Variants in CADPS observed in about 807,000 individuals in gnomAD.
CADPS encodes the protein calcium dependent secretion activator, also known as calcium-dependent secretion activator 1.
Under a neutral mutation model 167.3 loss-of-function variants are expected in CADPS, and 57 were observed. The observed-to-expected ratio is 0.34, with a 90% CI of 0.28 to 0.42. The LOEUF is 0.42. CADPS is among the 20% of genes least tolerant of loss of function. CADPS has a pLI of 1.00. For missense variants in CADPS, 1,414 were observed against 1,738.1 expected (o/e 0.81, Z 3.32); for synonymous variants, 676 against 635.3 (o/e 1.06, Z -0.96).
At chr3:62,518,418 G>A (rs996777900) in intron 13 of CADPS, among the ~76,000 whole-genome samples, 168 bp from the exon 14 acceptor site, 1 of 152,190 alleles carries the variant, frequency 6.6e-6, no homozygotes, top group African/African-American at 2.4e-5. Context: ...GCGTTGGGTT[G>A]TGTTTGGGTT....
At chr3:62,750,591 A>T (rs1451038260) in intron 3 of CADPS, among the ~76,000 whole-genome samples, 1 of 152,198 alleles carries the variant, frequency 6.6e-6, no homozygotes, top group Non-Finnish European at 1.5e-5. Flanking sequence ...TTTAAGGTAG[A>T]AATTTGGAGA....
chr3:62,692,863 C>T (rs1035810553), intron 3 of CADPS, among the ~76,000 whole-genome samples: 2 of 151,998 alleles, frequency 1.3e-5, no homozygotes, highest in African/African-American at 4.8e-5. Flanking sequence ...TAAAGAAGGT[C>T]ATGTCATGCC....
At chr3:62,639,956 T>A (rs2067099231) in intron 6 of CADPS, among the ~76,000 whole-genome samples, 2 of 152,192 alleles carry the variant, frequency 1.3e-5, no homozygotes. Flanking sequence ...GCCTGCTCAT[T>A]TCTTTCAGAA....
rs201388168 is a variant in CADPS, at chr3:62,798,682, C to T, written c.442-32698G>A. ...TTTAAAGTTCAGCCCAAATGTTACCCCTGTGAAGCTTCCCTCAATATCCCT... is the reference window on the plus strand; with the variant it reads ...TTTAAAGTTCAGCCCAAATGTTACCTCTGTGAAGCTTCCCTCAATATCCCT... On this transcript the variant is annotated intron_variant, in intron 1 of 29. Coordinates refer to ENST00000383710, the MANE Select transcript of CADPS (RefSeq NM_003716.4). 9.7e-3 allele frequency among the ~76,000 whole-genome samples: 1,482 copies of T among 152,126 alleles called. 24 individuals are homozygous for T. Among genetic ancestry groups the T allele is most frequent in the African/African-American group, 0.033 (1,380 of 41,464 alleles).
At chr3:62,423,946 C>T (rs974883937) in intron 28 of CADPS, among the ~76,000 whole-genome samples, 7 of 152,202 alleles carry the variant, frequency 4.6e-5, no homozygotes, top group African/African-American at 1.7e-4. Context: ...TATTATTAAA[C>T]AGCCATTTAT....
intron 28 of CADPS, among the ~76,000 whole-genome samples, chr3:62,406,354 T>C (rs1708489745): frequency 6.6e-6 from 1 of 152,206 alleles, no homozygotes; most frequent in African/African-American, 2.4e-5. Flanking sequence ...ACAGTGCTTA[T>C]TAATCGGGTT....
At chr3:62,515,572 G>A (rs1035150456) in intron 16 of CADPS, among the ~76,000 whole-genome samples, 1 of 152,066 alleles carries the variant, frequency 6.6e-6, no homozygotes, top group Admixed American at 6.6e-5. Context: ...ACCTGCCATC[G>A]AGCTTGAAGC....
At chr3:62,790,310 G>T (rs2092821859) in intron 1 of CADPS, among the ~76,000 whole-genome samples, 1 of 151,976 alleles carries the variant, frequency 6.6e-6, no homozygotes, top group African/African-American at 2.4e-5. Context: ...ATTTTTATTT[G>T]TTTTTTCTAA....
intron 28 of CADPS, among the ~76,000 whole-genome samples, chr3:62,426,352 T>C (rs771870810): frequency 1.3e-5 from 2 of 152,168 alleles, no homozygotes; most frequent in African/African-American, 4.8e-5. Context: ...GGTTTCACCA[T>C]GTTGGCCAGG....
intron 4 of CADPS, among the ~76,000 whole-genome samples, chr3:62,652,793 C>T (rs2070559437): frequency 6.6e-6 from 1 of 152,186 alleles, no homozygotes; most frequent in Admixed American, 6.6e-5. Flanking sequence ...TTATCATTTT[C>T]TAATTTCCAC....
intron 3 of CADPS, among the ~76,000 whole-genome samples, chr3:62,724,397 T>C (rs1316354201): frequency 7.0e-6 from 1 of 142,754 alleles, no homozygotes; most frequent in African/African-American, 2.7e-5. Context: ...TTTCATGGAC[T>C]AAGAAACAAT....
chr3:62,874,916 G>T lies in CADPS; in HGVS notation c.114C>A (p.Thr38=), dbSNP rs768047074. 1.4e-6 allele frequency: 2 copies of T among 1,454,568 alleles called. No individual in the cohort carries two copies. Among genetic ancestry groups the T allele is most frequent in the Non-Finnish European group, 1.8e-6 (2 of 1,099,986 alleles). The allele number at this position is 1,454,568 out of a possible 1,614,324, so 90.1% of individuals were successfully genotyped here. A position where few individuals can be genotyped will look rare whatever the true frequency, so the allele number is the denominator to read the frequency against. Reference sequence around the variant, plus strand: ...CGGCGCTGCCGGCCGAGCCCTCGCTGGTACGGCTGGGAGACAGGCGCGCGC... The same window carrying T: ...CGGCGCTGCCGGCCGAGCCCTCGCTTGTACGGCTGGGAGACAGGCGCGCGC... ...PSGARLSPSR[T]SEGSAGSAGL... is the part of the protein sequence containing the mutation. Residue 38 remains threonine (T), a synonymous_variant, in exon 1 of 30, where the codon ACC becomes ACA. Transcript: ENST00000383710. The surrounding 1 kb of genome is among the most constrained non-coding windows in gnomAD (Gnocchi z 7.1).
At position 62,731,030 on chromosome 3, in the gene CADPS, A is replaced by T. The variant is rs1017782000; in HGVS notation, c.888+22411T>A. On this transcript the variant is annotated intron_variant, in intron 3 of 29. Transcript: ENST00000383710. Reference sequence around the variant, plus strand: ...ATATAACTATGACCAGAAACAAGACATGCTCATTCCCTCATCTTTAGTCTT... The same window carrying T: ...ATATAACTATGACCAGAAACAAGACTTGCTCATTCCCTCATCTTTAGTCTT... 1.6e-4 allele frequency among the ~76,000 whole-genome samples: 24 copies of T among 152,208 alleles called. 1 individual carries two copies. Among genetic ancestry groups the T allele is most frequent in the Admixed American group, 1.6e-3 (24 of 15,288 alleles).
rs1189860311 is a variant in CADPS at position 62,478,849 on chromosome 3, T to C, written c.3174-433A>G. Among the ~76,000 whole-genome samples, 1 of 152,148 alleles carries C rather than the reference T, an allele frequency of 6.6e-6. No homozygotes were observed. Among genetic ancestry groups the C allele is most frequent in the Admixed American group, 6.5e-5 (1 of 15,272 alleles). ...GCATTTCCCCAGCTCCCCTCCAGAG[T>C]GGAGACCTCTTGGAGATTGCACAAG... On this transcript the variant is annotated intron_variant, in intron 22 of 29. Transcript: ENST00000383710. This position sits in a 1 kb window ranked among gnomAD's most constrained non-coding sequence, Gnocchi z 5.7.
intron 24 of CADPS, among the ~76,000 whole-genome samples, chr3:62,473,392 T>G (rs758976786): frequency 1.3e-5 from 2 of 152,186 alleles, no homozygotes; most frequent in Non-Finnish European, 1.5e-5. Flanking sequence ...TCTGAACATG[T>G]AAGGCTGGTA....
At chr3:62,515,459 T>C (rs1156758462) in intron 16 of CADPS, among the ~76,000 whole-genome samples, 1 of 152,080 alleles carries the variant, frequency 6.6e-6, no homozygotes, top group Non-Finnish European at 1.5e-5. Flanking sequence ...ACCACTTCCC[T>C]AAAACTTGAG....
chr3:62,783,277 C>G lies in CADPS; in HGVS notation c.442-17293G>C, dbSNP rs376159196. On this transcript the variant is annotated intron_variant, in intron 1 of 29. Transcript: ENST00000383710. ...TCAAGCACAGGTGGGAATGGTGCAC[C>G]TCAACTTTTTTTTTTTTTTGAACCA... Among the ~76,000 whole-genome samples, 18 of 152,020 alleles carry G rather than the reference C, an allele frequency of 1.2e-4. No individual in the cohort carries two copies. In the East Asian group the frequency reaches 3.5e-3, roughly 29 times the overall value.
chr3:62,712,192 G>A (rs2083530056), intron 3 of CADPS, among the ~76,000 whole-genome samples: 1 of 152,154 alleles, frequency 6.6e-6, no homozygotes, highest in East Asian at 1.9e-4. Flanking sequence ...TCACACATAT[G>A]AATATTTCTT....
chr3:62,661,548 T>C (rs1408617178), intron 4 of CADPS, among the ~76,000 whole-genome samples: 1 of 152,048 alleles, frequency 6.6e-6, no homozygotes, highest in East Asian at 1.9e-4. Context: ...GTAGAGTCTG[T>C]TGGTTAAGAG....
Sources: gnomAD v4.1 joint callset for allele counts (sites outside exome capture counted in the v4.1 genomes callset) on GRCh38, gnomAD v4.1.1 for gene constraint, Gnocchi (gnomAD v3.1) non-coding constraint, MANE v1.5 for transcripts, NCBI Gene and HGNC (gene_info 2026-07-23, HGNC 2026-07-21) for gene names.